MYPN: variants seen among roughly 807,000 people sequenced by gnomAD.
MYPN encodes myopalladin.
MYPN carries 63 observed loss-of-function variants against 129.4 expected under a neutral mutation model. The observed-to-expected ratio is 0.49, with a 90% CI of 0.40 to 0.60. The LOEUF is 0.60. Ranked by LOEUF, MYPN falls within the 20% of genes least tolerant of loss-of-function variation. The pLI is 0.00. For synonymous variants in MYPN, 629 were observed against 600.9 expected (o/e 1.05, Z -0.68); for missense variants, 1,596 against 1,635.4 (o/e 0.98, Z 0.42).
chr10:68,197,396 A>T lies in MYPN; in HGVS notation c.3203A>T (p.Glu1068Val). 1.2e-6 allele frequency: 2 copies of T among 1,614,026 alleles called. No homozygotes were observed. The highest frequency in any genetic ancestry group is 1.7e-6 in the Non-Finnish European group (2 of 1,179,950). ...VQERDKEPLQERFFRPHFLQA... is the reference protein window; with the variant it reads ...VQERDKEPLQVRFFRPHFLQA... ...GAAAGAGACAAAGAGCCCCTACAGG[A>T]ACGCTTTTTCCGACCACATTTCCTG... The change falls in exon 16 of 20, where the codon GAA becomes GTA. Residue 1068 changes from glutamate (E) to valine (V), a missense_variant. Physicochemically the swap from Glu to Val is moderately radical, Grantham distance 121. Coordinates refer to ENST00000358913, the MANE Select transcript of MYPN (RefSeq NM_032578.4).
intron 1 of MYPN, among the ~76,000 whole-genome samples, chr10:68,120,425 A>G (rs1378740485): frequency 6.6e-6 from 1 of 152,224 alleles, no homozygotes; most frequent in East Asian, 1.9e-4. Flanking sequence ...GCCAAGCATC[A>G]TATTCCATTA....
chr10:68,150,676 A>G (rs2042754441), intron 6 of MYPN, among the ~76,000 whole-genome samples: 1 of 152,206 alleles, frequency 6.6e-6, no homozygotes, highest in Non-Finnish European at 1.5e-5. Context: ...GGCCAGAGAG[A>G]TGAAGCCATG....
intron 12 of MYPN, among the ~76,000 whole-genome samples, chr10:68,182,452 CATATATATATAACAT>C (rs1217664697): frequency 1.7e-5 from 2 of 116,230 alleles, no homozygotes; most frequent in African/African-American, 6.8e-5. Context: ...ATATATATAA[CATATATATATAACAT>C]ATATACACAC....
intron 17 of MYPN, among the ~76,000 whole-genome samples, chr10:68,199,839 C>T (rs968814971): frequency 3.3e-5 from 5 of 152,164 alleles, no homozygotes; most frequent in African/African-American, 9.6e-5. Context: ...AATCAATTAG[C>T]TGTCACTAAA....
intron 6 of MYPN, among the ~76,000 whole-genome samples, chr10:68,153,023 T>C (rs2042803440): frequency 6.6e-6 from 1 of 151,932 alleles, no homozygotes; most frequent in African/African-American, 2.4e-5. Context: ...TCTCCCTCTG[T>C]CACCCAAGCT....
chr10:68,199,154 T>C (rs2043663953), intron 16 of MYPN, among the ~76,000 whole-genome samples: 1 of 152,150 alleles, frequency 6.6e-6, no homozygotes, highest in Admixed American at 6.5e-5. Flanking sequence ...GGTTAACCAT[T>C]ACCTTAACTG....
chr10:68,150,084 T>C lies in MYPN; in HGVS notation c.1290T>C (p.Pro430=). The stretch of plus-strand genomic sequence containing the variant: ...ACTTGCAGGGATTGGATGGAAAACC[T>C]ATCATTGCAGCTCCTGTGTTTACAA... ...TNYLQGLDGK[P]IIAAPVFTKM... is the part of the protein sequence containing the mutation. The change falls in exon 6 of 20, where the codon CCT becomes CCC. Residue 430 remains proline (P), a synonymous_variant. Coordinates refer to ENST00000358913, the MANE Select transcript of MYPN (RefSeq NM_032578.4). 1 of 1,613,910 alleles carries C rather than the reference T, an allele frequency of 6.2e-7. No homozygotes were observed. Among genetic ancestry groups the C allele is most frequent in the African/African-American group, 1.3e-5 (1 of 75,042 alleles).
At chr10:68,094,180 C>T (rs2041944455) in intron 1 of MYPN, among the ~76,000 whole-genome samples, 2 of 152,052 alleles carry the variant, frequency 1.3e-5, no homozygotes, top group African/African-American at 2.4e-5. Context: ...CCAATCCTGC[C>T]CGCCTTCTGT....
At chr10:68,141,312 T>C (rs1463684904) in intron 2 of MYPN, among the ~76,000 whole-genome samples, 3 of 149,502 alleles carry the variant, frequency 2.0e-5, no homozygotes, top group Admixed American at 6.7e-5. Context: ...GAGGTTGCAG[T>C]GAGTGGAGAT....
rs5785847 is a variant in MYPN, at chr10:68,178,712, C to CAAAAA, written c.2703+3262_2703+3266dup. On this transcript the variant is annotated intron_variant, in intron 12 of 19. Coordinates refer to ENST00000358913, the MANE Select transcript of MYPN (RefSeq NM_032578.4). The stretch of plus-strand genomic sequence containing the variant: ...TGGGTGACAGAGCGAGACTCTGCCT[C>CAAAAA]AAAAAAAAAAAAAAAGGAATCCAGG... Among the ~76,000 whole-genome samples the CAAAAA allele has an allele frequency of 2.6e-4, 33 of 125,192 alleles. 1 individual carries two copies. The highest frequency in any genetic ancestry group is 1.0e-3 in the South Asian group (4 of 3,862). 82.1% of individuals were successfully genotyped at this position (125,192 alleles called of 152,430 possible). A position where few individuals can be genotyped will look rare whatever the true frequency, so the allele number is the denominator to read the frequency against.
chr10:68,145,029 T>A (rs2134074486), intron 3 of MYPN, among the ~76,000 whole-genome samples: 1 of 138,534 alleles, frequency 7.2e-6, no homozygotes, highest in East Asian at 1.9e-4. Context: ...GTTCATTTCT[T>A]TTTTTTTTTT....
At chr10:68,178,258 T>C (rs1402477683) in intron 12 of MYPN, among the ~76,000 whole-genome samples, 1 of 152,216 alleles carries the variant, frequency 6.6e-6, no homozygotes, top group Non-Finnish European at 1.5e-5. Context: ...AAAGTGTCTT[T>C]GAGTTGGGGA....
intron 12 of MYPN, among the ~76,000 whole-genome samples, chr10:68,180,466 G>T (rs550864878): frequency 1.3e-5 from 2 of 152,208 alleles, no homozygotes; most frequent in Admixed American, 6.5e-5. Context: ...GATTACAGGC[G>T]TGGGCCACTG....
intron 17 of MYPN, 136 bp downstream of exon 17, chr10:68,199,711 G>T: frequency 1.1e-6 from 1 of 869,760 alleles, no homozygotes; most frequent in Non-Finnish European, 1.9e-6. Flanking sequence ...TGTGGTAGGG[G>T]TGGTATTTCC....
At chr10:68,106,943 A>G (rs1038385570), upstream of MYPN, 1 of 622,466 alleles carries the variant, frequency 1.6e-6, no homozygotes, top group Non-Finnish European at 2.9e-6. Context: ...CATGTAACCA[A>G]CCTTGTGTTT....
chr10:68,133,022 T>A (rs945222471), intron 2 of MYPN, among the ~76,000 whole-genome samples: 3 of 58,632 alleles, frequency 5.1e-5, no homozygotes, highest in African/African-American at 1.5e-4. Flanking sequence ...TAGACCTCAA[T>A]TTTTTTTTTT....
intron 2 of MYPN, among the ~76,000 whole-genome samples, chr10:68,128,746 T>C (rs367857670): frequency 1.3e-5 from 2 of 152,196 alleles, no homozygotes; most frequent in Non-Finnish European, 1.5e-5. Flanking sequence ...GAAGGTTTTC[T>C]TGAAAATCAA....
Position 68,141,070 on chromosome 10 carries a change from A to AC in MYPN, c.903-1868dup, listed in dbSNP as rs902929811. On this transcript the variant is annotated intron_variant, in intron 2 of 19. Coordinates refer to ENST00000358913, the MANE Select transcript of MYPN (RefSeq NM_032578.4). ...GGCAACAGAGTGAGACCCTTCCTCC[A>AC]CCACCCCCCCAAAAAAAGGGCCAGG... 2.7e-5 allele frequency among the ~76,000 whole-genome samples: 4 copies of AC among 150,478 alleles called. 1 individual carries two copies. Among genetic ancestry groups the AC allele is most frequent in the Admixed American group, 2.6e-4 (4 of 15,152 alleles).
intron 2 of MYPN, among the ~76,000 whole-genome samples, chr10:68,128,825 G>A (rs1439091344): frequency 2.0e-5 from 3 of 152,110 alleles, no homozygotes; most frequent in South Asian, 2.1e-4. Context: ...GAAAAGTGTC[G>A]CAGGCTGAGG....
Sources: gnomAD v4.1 joint callset for allele counts (sites outside exome capture counted in the v4.1 genomes callset) on GRCh38, gnomAD v4.1.1 for gene constraint, MANE v1.5 for transcripts, NCBI Gene and HGNC (gene_info 2026-07-23, HGNC 2026-07-21) for gene names.